Variants in RELN observed in about 807,000 individuals in gnomAD.
The protein encoded by RELN is reelin.
Under a neutral mutation model 427.6 loss-of-function variants are expected in RELN, and 108 were observed. That is an observed-to-expected ratio of 0.25 (90% CI 0.22 to 0.30). RELN has a LOEUF of 0.30. Ranked by LOEUF, RELN falls within the 10% of genes least tolerant of loss-of-function variation. The pLI is 1.00. For missense variants in RELN, 3,715 were observed against 4,302.8 expected, an observed-to-expected ratio of 0.86 and a Z score of 3.82; for synonymous variants, 1,524 against 1,513.4, an observed-to-expected ratio of 1.01 and a Z score of -0.16.
intron 46 of RELN, among the ~76,000 whole-genome samples, chr7:103,526,023 A>T (rs369655219): frequency 6.6e-6 from 1 of 152,182 alleles, no homozygotes; most frequent in South Asian, 2.1e-4. Context: ...CCTACAAGAG[A>T]TGTCCTGTAG....
intron 3 of RELN, among the ~76,000 whole-genome samples, chr7:103,785,277 A>G (rs183823804): frequency 1.3e-5 from 2 of 152,264 alleles, no homozygotes; most frequent in East Asian, 3.9e-4. Flanking sequence ...TTAATTAAGT[A>G]AGCCTATGGT....
chr7:103,749,832 T>C (rs1206673383), intron 5 of RELN, among the ~76,000 whole-genome samples: 4 of 152,210 alleles, frequency 2.6e-5, no homozygotes, highest in Admixed American at 2.0e-4. Context: ...TCAGTATGTC[T>C]TGGCTGTGTC....
chr7:103,628,053 G>A (rs894476504), intron 20 of RELN: 1 of 152,160 alleles, frequency 6.6e-6, no homozygotes, highest in Non-Finnish European at 1.5e-5. Flanking sequence ...TATTAGAAGT[G>A]TTAGGAAAAA....
intron 5 of RELN, among the ~76,000 whole-genome samples, chr7:103,751,980 G>C (rs940755102): frequency 6.6e-6 from 1 of 152,118 alleles, no homozygotes; most frequent in African/African-American, 2.4e-5. Flanking sequence ...AATCTTCACT[G>C]ACACAAATGA....
At chr7:103,753,853 T>G (rs1425575304) in intron 4 of RELN, among the ~76,000 whole-genome samples, 1 of 152,228 alleles carries the variant, frequency 6.6e-6, no homozygotes, top group Non-Finnish European at 1.5e-5. Context: ...ATGCAATATT[T>G]CTGTGAATTC....
chr7:103,759,475 T>C (rs1236867466), intron 4 of RELN, among the ~76,000 whole-genome samples: 3 of 152,148 alleles, frequency 2.0e-5, no homozygotes, highest in Non-Finnish European at 4.4e-5. Context: ...AAAAAGTGCA[T>C]ACTGATGCTT....
intron 3 of RELN, among the ~76,000 whole-genome samples, chr7:103,816,247 C>A (rs1792866687): frequency 6.6e-6 from 1 of 152,140 alleles, no homozygotes; most frequent in African/African-American, 2.4e-5. Context: ...GGCATGCTGG[C>A]ACACACCTGT....
chr7:103,725,208 A>C (rs865992991), intron 7 of RELN, among the ~76,000 whole-genome samples: 42 of 152,310 alleles, frequency 2.8e-4, no homozygotes, highest in African/African-American at 9.4e-4. Flanking sequence ...ATATTGTTTT[A>C]GTCCAAACTC....
At chr7:103,767,300 G>T (rs1168877724) in intron 4 of RELN, among the ~76,000 whole-genome samples, 1 of 152,134 alleles carries the variant, frequency 6.6e-6, no homozygotes, top group Non-Finnish European at 1.5e-5. Context: ...GTTCCTGAGG[G>T]TTTTTAATGT....
chr7:103,560,940 A>G (rs1830628232), intron 36 of RELN, among the ~76,000 whole-genome samples: 1 of 152,218 alleles, frequency 6.6e-6, no homozygotes, highest in Non-Finnish European at 1.5e-5. Flanking sequence ...TAGGTTAGTC[A>G]ATTTCCCCAT....
chr7:103,489,983 G>T, intron 59 of RELN, 84 bp from the exon 60 acceptor site: 2 of 1,517,048 alleles, frequency 1.3e-6, no homozygotes, highest in South Asian at 1.2e-5. Flanking sequence ...TGGGAGAGGG[G>T]ACTATTTGTG....
chr7:103,742,927 C>A (rs1360636986), intron 6 of RELN, among the ~76,000 whole-genome samples: 1 of 151,890 alleles, frequency 6.6e-6, no homozygotes, highest in Non-Finnish European at 1.5e-5. Flanking sequence ...CAAAGATACT[C>A]CTCGAGAAGA....
chr7:103,942,560 G>T (rs1304896969), intron 1 of RELN, among the ~76,000 whole-genome samples: 1 of 152,114 alleles, frequency 6.6e-6, no homozygotes, highest in Non-Finnish European at 1.5e-5. Flanking sequence ...CAGAATTCCC[G>T]GCAGAATGTG....
intron 1 of RELN, among the ~76,000 whole-genome samples, chr7:103,943,308 G>A (rs927094421): frequency 8.5e-5 from 13 of 152,054 alleles, no homozygotes; most frequent in Admixed American, 7.2e-4. Flanking sequence ...CAGCTGCCCT[G>A]AGCCGGAAAC....
chr7:103,888,398 G>T (rs1450819099), intron 2 of RELN, among the ~76,000 whole-genome samples: 3 of 152,118 alleles, frequency 2.0e-5, no homozygotes, highest in Admixed American at 1.3e-4. Flanking sequence ...GCTGGGGCTT[G>T]GACCAAGAAC....
At chr7:103,639,944 CAT>C (rs1016626498) in intron 17 of RELN, among the ~76,000 whole-genome samples, 4 of 151,944 alleles carry the variant, frequency 2.6e-5, no homozygotes, top group African/African-American at 7.3e-5. Context: ...TTGGTATAAA[CAT>C]AAAATAATTC....
chr7:103,823,670 T>C (rs1793063031), intron 3 of RELN, among the ~76,000 whole-genome samples: 1 of 152,136 alleles, frequency 6.6e-6, no homozygotes, highest in African/African-American at 2.4e-5. Flanking sequence ...TAATTATTGG[T>C]ATATATGTTA....
intron 2 of RELN, among the ~76,000 whole-genome samples, chr7:103,911,558 T>C (rs1014673968): frequency 2.7e-5 from 4 of 150,422 alleles, no homozygotes; most frequent in African/African-American, 7.4e-5. Context: ...TGCACACGTA[T>C]GTTTATTGCG....
At chr7:103,921,249 A>T (rs1795611381) in intron 1 of RELN, among the ~76,000 whole-genome samples, 1 of 152,212 alleles carries the variant, frequency 6.6e-6, no homozygotes, top group Non-Finnish European at 1.5e-5. Flanking sequence ...GATAACACCC[A>T]CAAGTTATCC....
Sources: allele counts gnomAD v4.1 joint callset (sites outside exome capture counted in the v4.1 genomes callset), GRCh38; gene constraint gnomAD v4.1.1; transcripts MANE v1.5; gene names NCBI Gene and HGNC (gene_info 2026-07-23, HGNC 2026-07-21).